Variants in OOSP1 observed in about 807,000 individuals in gnomAD.
The protein encoded by OOSP1 is putative oocyte-secreted protein 1 homolog.
In OOSP1, 11 loss-of-function variants were observed where a neutral mutation model predicts 5.7. The ratio of observed to expected loss-of-function variants is 1.94; its 90% CI spans 1.22 to 3.20. The LOEUF (loss-of-function observed/expected upper bound fraction) is 3.20, where lower values mean the gene tolerates loss of function less well. Among genes scored for constraint, OOSP1 ranks in the 30% most tolerant of loss-of-function variants. The pLI, the probability that OOSP1 is intolerant of heterozygous loss-of-function variation, is 0.00. For missense variants in OOSP1, 83 were observed against 54.1 expected, an observed-to-expected ratio of 1.53 and a Z score of -1.67; for synonymous variants, 44 against 20.0, an observed-to-expected ratio of 2.20 and a Z score of -3.20.
At chr11:59,942,513 A>C (rs938128388) in intron 1 of OOSP1, among the ~76,000 whole-genome samples, 1 of 152,224 alleles carries the variant, frequency 6.6e-6, no homozygotes, top group Admixed American at 6.5e-5. Context: ...CTCTATACTT[A>C]GTATAAACAT....
intron 4 of OOSP1, among the ~76,000 whole-genome samples, chr11:59,949,441 A>G (rs1279457801): frequency 6.6e-6 from 1 of 151,930 alleles, no homozygotes; most frequent in Non-Finnish European, 1.5e-5. Flanking sequence ...AGCCCCGCAG[A>G]TCCTGGAGGG....
At chr11:59,946,996 TAAAAATAAAA>T (rs1853891871) in intron 3 of OOSP1, among the ~76,000 whole-genome samples, 1 of 151,686 alleles carries the variant, frequency 6.6e-6, no homozygotes, top group South Asian at 2.1e-4. Flanking sequence ...CCACAAAAAC[TAAAAATAAAA>T]AAATTTAGAA....
At chr11:59,941,121 C>T (rs1236423178) in intron 1 of OOSP1, among the ~76,000 whole-genome samples, 1 of 152,166 alleles carries the variant, frequency 6.6e-6, no homozygotes, top group African/African-American at 2.4e-5. Context: ...TCCATTTCTA[C>T]AATTTTGTCA....
In OOSP1 at chr11:59,940,019, C is replaced by A. The variant is rs139421270; in HGVS notation, c.76+1489C>A. 4.6e-3 allele frequency among the ~76,000 whole-genome samples: 702 copies of A among 152,286 alleles called. 8 individuals carry two copies. In the South Asian group the frequency reaches 0.051, roughly 11 times the overall value. ...CTTCCCAAAGCTTTAGGATTAAAGG[C>A]GTGAGCCACTGCTTCCTGCCTGGGC... On this transcript the variant is annotated intron_variant, in intron 1 of 4. Transcript: ENST00000646685.
At chr11:59,942,781 G>A (rs1853843507) in intron 1 of OOSP1, 66 bp from the exon 2 acceptor site, 5 of 646,236 alleles carry the variant, frequency 7.7e-6, no homozygotes, top group Non-Finnish European at 1.4e-5. Context: ...AACAGGGTAT[G>A]CTAAATTTTT....
chr11:59,957,077 T>C (rs557353777), intron 4 of OOSP1, 118 bp from the exon 5 acceptor site: 5 of 391,100 alleles, frequency 1.3e-5, no homozygotes, highest in Middle Eastern at 6.4e-4. Context: ...TATGCCTTTC[T>C]GTTCACTTTT....
At chr11:59,947,122 T>A in intron 3 of OOSP1, among the ~76,000 whole-genome samples, 1 of 150,444 alleles carries the variant, frequency 6.6e-6, no homozygotes, top group East Asian at 1.9e-4. Flanking sequence ...TGAACTGAAA[T>A]TTTTTTTCCC....
At chr11:59,955,371 G>C (rs966175044) in intron 4 of OOSP1, among the ~76,000 whole-genome samples, 1 of 151,800 alleles carries the variant, frequency 6.6e-6, no homozygotes, top group African/African-American at 2.4e-5. Context: ...ACAATACTAT[G>C]AATCTGGCAT....
chr11:59,947,803 G>A (rs1226086283), exon 4 of OOSP1: 11 of 398,786 alleles, frequency 2.8e-5, no homozygotes, highest in Non-Finnish European at 4.9e-5. Context: ...ATGGGAGATA[G>A]AGGTGAGGAT....
At chr11:59,940,009 G>A (rs1245921200) in intron 1 of OOSP1, among the ~76,000 whole-genome samples, 1 of 152,192 alleles carries the variant, frequency 6.6e-6, no homozygotes, top group African/African-American at 2.4e-5. Context: ...CAAAGCTTTA[G>A]GATTAAAGGC....
chr11:59,938,515 G>T (rs146142782), exon 1 of OOSP1: 21 of 606,044 alleles, frequency 3.5e-5, no homozygotes. Context: ...ATGGACCTGC[G>T]CTGGGGACTG....
chr11:59,947,288 CT>C (rs373576276), intron 3 of OOSP1, among the ~76,000 whole-genome samples: 1 of 150,902 alleles, frequency 6.6e-6, no homozygotes, highest in African/African-American at 2.4e-5. Context: ...TATTCTTCTT[CT>C]TTTTTTTTGA....
intron 3 of OOSP1, among the ~76,000 whole-genome samples, chr11:59,947,337 G>A (rs769157067): frequency 6.6e-5 from 10 of 151,750 alleles, no homozygotes; most frequent in South Asian, 2.1e-4. Context: ...TGTTCAGGCC[G>A]ATCTTGAACT....
At chr11:59,952,127 C>A (rs1853946019) in intron 4 of OOSP1, among the ~76,000 whole-genome samples, 1 of 151,822 alleles carries the variant, frequency 6.6e-6, no homozygotes, top group South Asian at 2.1e-4. Flanking sequence ...TAAGGTGGTA[C>A]CTGTCATGTT....
chr11:59,950,243 A>G (rs1326113030), intron 4 of OOSP1, among the ~76,000 whole-genome samples: 2 of 152,198 alleles, frequency 1.3e-5, no homozygotes, highest in Admixed American at 1.3e-4. Context: ...CCTTATTTTG[A>G]AAATGCCATG....
At chr11:59,944,720 T>C (rs1853864662) in intron 2 of OOSP1, among the ~76,000 whole-genome samples, 1 of 152,220 alleles carries the variant, frequency 6.6e-6, no homozygotes, top group Admixed American at 6.5e-5. Context: ...ACCATAATTA[T>C]TGCTTTTTTT....
intron 4 of OOSP1, among the ~76,000 whole-genome samples, chr11:59,954,994 T>A (rs1048716659): frequency 3.5e-4 from 53 of 152,102 alleles, no homozygotes; most frequent in African/African-American, 1.3e-3. Context: ...CATTTAGAGG[T>A]GCTATACAAA....
chr11:59,949,875 AT>A (rs1853922074), intron 4 of OOSP1, among the ~76,000 whole-genome samples: 1 of 152,126 alleles, frequency 6.6e-6, no homozygotes, highest in Non-Finnish European at 1.5e-5. Flanking sequence ...GCTAGGGGCA[AT>A]TTTACCCTCT....
intron 1 of OOSP1, among the ~76,000 whole-genome samples, chr11:59,939,531 T>C (rs1053095530): frequency 8.6e-5 from 13 of 152,026 alleles, no homozygotes; most frequent in African/African-American, 3.1e-4. Context: ...GTATAACAGG[T>C]ATGAGCCACT....
Sources: gnomAD v4.1 joint callset for allele counts (sites outside exome capture counted in the v4.1 genomes callset) on GRCh38, gnomAD v4.1.1 for gene constraint, MANE v1.5 for transcripts, NCBI Gene and HGNC (gene_info 2026-07-23, HGNC 2026-07-21) for gene names.